SULT2A1: variants seen among roughly 807,000 people sequenced by gnomAD.
The protein encoded by SULT2A1 is sulfotransferase family 2A member 1.
SULT2A1 carries 43 observed loss-of-function variants against 33.9 expected under a neutral mutation model. The ratio of observed to expected loss-of-function variants is 1.27; its 90% confidence interval spans 1.00 to 1.64. SULT2A1 has a LOEUF of 1.64. Ranked by LOEUF, SULT2A1 falls within the 40% of genes most tolerant of loss-of-function variation. SULT2A1 has a pLI of 0.00. For synonymous variants in SULT2A1, 125 were observed against 113.6 expected (o/e 1.10, Z -0.64); for missense variants, 300 against 335.1 (o/e 0.90, Z 0.82).
intron 3 of SULT2A1, 77 bp downstream of exon 3, chr19:47,882,007 G>A: frequency 6.3e-7 from 1 of 1,581,270 alleles, no homozygotes; most frequent in Non-Finnish European, 8.6e-7. Context: ...TTGGTGAGAT[G>A]TAGAGATGTG....
Position 47,874,853 on chromosome 19 carries a change from G to A in SULT2A1, c.568-19C>T, listed in dbSNP as rs763027038. 1 of 1,610,244 alleles carries A rather than the reference G, an allele frequency of 6.2e-7. No homozygotes were observed. The highest frequency in any genetic ancestry group is 8.5e-7 in the Non-Finnish European group (1 of 1,177,912). ...CTGTGTCCTAAAAAAGAAAAATCAA[G>A]AGAGAGGATACGAAAGAGAAAGACA... On this transcript the variant is annotated intron_variant, in intron 4 of 5. Transcript: ENST00000222002.
At chr19:47,885,351 T>C (rs369265304) in intron 1 of SULT2A1, among the ~76,000 whole-genome samples, 19 of 147,224 alleles carry the variant, frequency 1.3e-4, no homozygotes, top group African/African-American at 4.5e-4. Flanking sequence ...ATTTGTATTT[T>C]TGTGACTGGC....
chr19:47,875,880 G>C (rs1029589601), intron 4 of SULT2A1, among the ~76,000 whole-genome samples: 1 of 152,148 alleles, frequency 6.6e-6, no homozygotes, highest in African/African-American at 2.4e-5. Flanking sequence ...TGGCTGTACT[G>C]TCAGATAGTA....
chr19:47,876,748 T>C lies in SULT2A1; in HGVS notation c.568-1914A>G, dbSNP rs1468776251. Among the ~76,000 whole-genome samples the C allele has an allele frequency of 3.9e-3, 400 of 103,458 alleles. No individual in the cohort carries two copies. In the Middle Eastern group the frequency reaches 0.059, roughly 15 times the overall value. 67.9% of individuals were successfully genotyped at this position (103,458 alleles called of 152,430 possible). ...TTGCGCCACTGCACTCCAGCCTGGG[T>C]GACAGAGCAAGACTCTGTCTAAAAA... On this transcript the variant is annotated intron_variant, in intron 4 of 5. Coordinates refer to ENST00000222002, the MANE Select transcript of SULT2A1 (RefSeq NM_003167.4).
rs61271763 is a variant in SULT2A1, at chr19:47,873,614, C to CTT, written c.745+1041_745+1042dup. Among the ~76,000 whole-genome samples, 325 of 62,102 alleles carry CTT rather than the reference C, an allele frequency of 5.2e-3. 32 individuals are homozygous for CTT. Among genetic ancestry groups the CTT allele is most frequent in the African/African-American group, 6.9e-3 (89 of 12,836 alleles). The allele number at this position is 62,102 out of a possible 152,430, so 40.7% of individuals were successfully genotyped here. On this transcript the variant is annotated intron_variant, in intron 5 of 5. Transcript: ENST00000222002. Reference sequence around the variant, plus strand: ...ACATTTCTTCATCCAGGACAGATCTCTTTTTTTTTTTTTTTTTTTTTTTTT... The same window carrying CTT: ...ACATTTCTTCATCCAGGACAGATCTCTTTTTTTTTTTTTTTTTTTTTTTTTTT...
chr19:47,883,157 T>A (rs1164995272), intron 2 of SULT2A1, among the ~76,000 whole-genome samples: 3 of 152,048 alleles, frequency 2.0e-5, no homozygotes, highest in Non-Finnish European at 4.4e-5. Context: ...CAGGCATTGA[T>A]TGATGAACAT....
intron 2 of SULT2A1, among the ~76,000 whole-genome samples, chr19:47,883,301 C>A (rs939774099): frequency 2.3e-4 from 35 of 151,952 alleles, no homozygotes; most frequent in Admixed American, 2.2e-3. Flanking sequence ...ATTCTGATTG[C>A]ACTTAGAACC....
At chr19:47,883,479 GA>G in intron 2 of SULT2A1, 97 bp downstream of exon 2, 1 of 1,213,746 alleles carries the variant, frequency 8.2e-7, no homozygotes, top group Non-Finnish European at 1.2e-6. Context: ...CAGACCTGTT[GA>G]AGGAGAATGC....
chr19:47,879,294 T>C (rs1968579493), intron 3 of SULT2A1, among the ~76,000 whole-genome samples, 164 bp from the exon 4 acceptor site: 1 of 152,202 alleles, frequency 6.6e-6, no homozygotes, highest in Admixed American at 6.6e-5. Context: ...ATTTACAGTA[T>C]ATAACAGATG....
At chr19:47,877,896 G>T (rs1429287546) in intron 4 of SULT2A1, among the ~76,000 whole-genome samples, 1 of 152,164 alleles carries the variant, frequency 6.6e-6, no homozygotes, top group Non-Finnish European at 1.5e-5. Context: ...TCATCGGACA[G>T]CTTTTCCTCT....
intron 4 of SULT2A1, among the ~76,000 whole-genome samples, chr19:47,878,339 T>C (rs1394599500): frequency 6.6e-6 from 1 of 151,308 alleles, no homozygotes; most frequent in South Asian, 2.1e-4. Flanking sequence ...CCCCCACATC[T>C]GGCTAATTTT....
chr19:47,884,449 A>T (rs1968634823), intron 1 of SULT2A1, among the ~76,000 whole-genome samples: 1 of 145,212 alleles, frequency 6.9e-6, no homozygotes, highest in South Asian at 2.2e-4. Context: ...AAGTGCTGGG[A>T]TTACAGGCGT....
At chr19:47,873,614 CTTTTTTTTTTTTTTTTT>C (rs61271763) in intron 5 of SULT2A1, among the ~76,000 whole-genome samples, 1 of 62,062 alleles carries the variant, frequency 1.6e-5, no homozygotes, top group Non-Finnish European at 2.7e-5. Context: ...GGACAGATCT[CTTTTTTTTTTTTTTTTT>C]TTTTTTTTTT....
chr19:47,873,105 G>A (rs1346727378), intron 5 of SULT2A1, among the ~76,000 whole-genome samples: 1 of 151,820 alleles, frequency 6.6e-6, no homozygotes, highest in Non-Finnish European at 1.5e-5. Flanking sequence ...GTCTTTTGAA[G>A]GATTTAATTC....
At chr19:47,883,933 C>T in intron 1 of SULT2A1, 148 bp from the exon 2 acceptor site, 1 of 700,952 alleles carries the variant, frequency 1.4e-6, no homozygotes, top group East Asian at 2.8e-5. Context: ...TGGTGAAACC[C>T]CGTCTCTACT....
intron 4 of SULT2A1, among the ~76,000 whole-genome samples, chr19:47,875,158 C>CAAAAAAAAAAAAAAAAAAAAAA (rs36196588): frequency 1.1e-5 from 1 of 94,084 alleles, no homozygotes; most frequent in Non-Finnish European, 2.0e-5. Context: ...GAGACCTTGT[C>CAAAAAAAAAAAAAAAAAAAAAA]AAAAAAAAAA....
At chr19:47,878,691 A>G (rs2122149581) in intron 4 of SULT2A1, among the ~76,000 whole-genome samples, 1 of 150,856 alleles carries the variant, frequency 6.6e-6, no homozygotes, top group South Asian at 2.1e-4. Context: ...TAATTTTTGT[A>G]TTTGTAGTAG....
intron 5 of SULT2A1, among the ~76,000 whole-genome samples, chr19:47,872,107 G>C (rs1968498272): frequency 6.6e-6 from 1 of 151,986 alleles, no homozygotes. Context: ...TAGTAGAGAT[G>C]GGGTTTTGCC....
chr19:47,874,263 G>A (rs116069574), intron 5 of SULT2A1, among the ~76,000 whole-genome samples: 2,994 of 152,182 alleles, frequency 0.02, 86 homozygotes, highest in African/African-American at 0.069. Flanking sequence ...TAAATTGGCC[G>A]GGCGCCGTGG....
Sources: gnomAD v4.1 joint callset for allele counts (sites outside exome capture counted in the v4.1 genomes callset) on GRCh38, gnomAD v4.1.1 for gene constraint, MANE v1.5 for transcripts, NCBI Gene and HGNC (gene_info 2026-07-23, HGNC 2026-07-21) for gene names.